The following CORIN variants were observed in gnomAD, a reference collection of about 807,000 sequenced individuals.
CORIN encodes the protein atrial natriuretic peptide-converting enzyme.
A neutral mutation model predicts 125.3 loss-of-function variants in CORIN; 117 were observed. The observed-to-expected ratio is 0.93, with a 90% confidence interval of 0.80 to 1.09. The LOEUF is 1.09. Ranked by LOEUF, CORIN falls within the 50% of genes least tolerant of loss-of-function variation. CORIN has a pLI of 0.00. For synonymous variants in CORIN, 450 were observed against 466.4 expected, an observed-to-expected ratio of 0.96 and a Z score of 0.45; for missense variants, 1,253 against 1,306.7, an observed-to-expected ratio of 0.96 and a Z score of 0.63.
intron 5 of CORIN, among the ~76,000 whole-genome samples, chr4:47,707,409 C>A (rs977347335): frequency 2.0e-5 from 3 of 152,166 alleles, no homozygotes; most frequent in Non-Finnish European, 4.4e-5. Flanking sequence ...TCGAAGGAAT[C>A]CTGGGAGGTC....
At chr4:47,679,293 T>C (rs1371836706) in intron 8 of CORIN, among the ~76,000 whole-genome samples, 1 of 152,162 alleles carries the variant, frequency 6.6e-6, no homozygotes, top group African/African-American at 2.4e-5. Flanking sequence ...GTTTGAAGTA[T>C]AACAACTGTC....
chr4:47,672,987 G>A lies in CORIN; in HGVS notation c.1357+1406C>T, dbSNP rs534605566. ...AGTGACCCAGAAAAATTAGGACCGC[G>A]AAACTGCAGCAAATGCAAGGCCGAA... On this transcript the variant is annotated intron_variant, in intron 10 of 21. Transcript: ENST00000273857. Among the ~76,000 whole-genome samples the A allele has an allele frequency of 4.0e-3, 608 of 152,014 alleles. 1 individual carries two copies. Among genetic ancestry groups the A allele is most frequent in the Non-Finnish European group, 7.6e-3 (517 of 67,960 alleles).
chr4:47,815,769 A>T (rs1732239289), intron 1 of CORIN, among the ~76,000 whole-genome samples: 1 of 152,154 alleles, frequency 6.6e-6, no homozygotes, highest in Non-Finnish European at 1.5e-5. Context: ...TGGGTTATCC[A>T]TTTCTTGGGA....
chr4:47,674,318 G>A (rs1279310113), intron 10 of CORIN, 75 bp downstream of exon 10: 3 of 1,027,334 alleles, frequency 2.9e-6, no homozygotes, highest in African/African-American at 3.2e-5. Context: ...TTCAGTATTT[G>A]AATGTCAATG....
At chr4:47,736,312 T>C (rs1363859778) in intron 5 of CORIN, among the ~76,000 whole-genome samples, 1 of 152,196 alleles carries the variant, frequency 6.6e-6, no homozygotes, top group Non-Finnish European at 1.5e-5. Context: ...CTTCCATTTC[T>C]GGCCATGAGG....
chr4:47,669,480 T>C (rs977827095), intron 10 of CORIN, among the ~76,000 whole-genome samples: 39 of 151,948 alleles, frequency 2.6e-4, no homozygotes, highest in African/African-American at 8.9e-4. Flanking sequence ...GTCAAGAAAC[T>C]GAACTCAGGC....
intron 3 of CORIN, among the ~76,000 whole-genome samples, chr4:47,778,704 T>A (rs1173838083): frequency 1.3e-5 from 2 of 152,216 alleles, no homozygotes; most frequent in Non-Finnish European, 2.9e-5. Context: ...TGTCTGAATC[T>A]CATAATTGTT....
intron 5 of CORIN, among the ~76,000 whole-genome samples, chr4:47,726,729 T>C (rs1245572795): frequency 1.3e-5 from 2 of 152,082 alleles, no homozygotes. Context: ...TCAGCCTATT[T>C]CTTTCAGAAA....
At chr4:47,752,684 C>T (rs1217765958) in intron 4 of CORIN, among the ~76,000 whole-genome samples, 1 of 152,130 alleles carries the variant, frequency 6.6e-6, no homozygotes, top group African/African-American at 2.4e-5. Flanking sequence ...AATACAGAAA[C>T]TTAGAAAATA....
chr4:47,624,193 T>A (rs138483685), intron 17 of CORIN, among the ~76,000 whole-genome samples: 2 of 152,340 alleles, frequency 1.3e-5, no homozygotes, highest in African/African-American at 4.8e-5. Flanking sequence ...ACTTCTTTTT[T>A]TAGTTTATTT....
intron 3 of CORIN, among the ~76,000 whole-genome samples, chr4:47,770,423 T>A (rs528117921): frequency 6.6e-6 from 1 of 152,280 alleles, no homozygotes; most frequent in Admixed American, 6.5e-5. Flanking sequence ...ACACTGTTGA[T>A]AGGGTTGTAA....
chr4:47,812,823 A>G (rs1252533151), intron 1 of CORIN, among the ~76,000 whole-genome samples: 1 of 152,244 alleles, frequency 6.6e-6, no homozygotes, highest in Non-Finnish European at 1.5e-5. Context: ...CTTACTGAAT[A>G]AATGAATTAA....
chr4:47,777,486 C>T (rs189085425), intron 3 of CORIN, among the ~76,000 whole-genome samples: 9 of 152,192 alleles, frequency 5.9e-5, no homozygotes, highest in Admixed American at 5.2e-4. Context: ...CAAAAATTAG[C>T]TAAGCGTGGT....
chr4:47,632,487 A>G (rs2109582079), intron 16 of CORIN: 1 of 152,280 alleles, frequency 6.6e-6, no homozygotes, highest in South Asian at 2.1e-4. Flanking sequence ...AATAACTGAA[A>G]GTTATTGTGT....
intron 20 of CORIN, among the ~76,000 whole-genome samples, chr4:47,602,719 T>C (rs1292924082): frequency 6.6e-6 from 1 of 152,146 alleles, no homozygotes; most frequent in East Asian, 1.9e-4. Context: ...ATTTTTGAGA[T>C]TGCATCTGAG....
chr4:47,828,929 C>A (rs1168474463), intron 1 of CORIN, among the ~76,000 whole-genome samples: 1 of 151,824 alleles, frequency 6.6e-6, no homozygotes, highest in Admixed American at 6.6e-5. Context: ...GAGGCCGAGG[C>A]GGACGGATCA....
At chr4:47,833,951 A>T (rs1005325146) in intron 1 of CORIN, among the ~76,000 whole-genome samples, 1 of 152,198 alleles carries the variant, frequency 6.6e-6, no homozygotes, top group African/African-American at 2.4e-5. Context: ...GGTTCATGGG[A>T]ATGTAAATTG....
At chr4:47,659,510 G>T (rs1724149772) in intron 12 of CORIN, among the ~76,000 whole-genome samples, 1 of 152,172 alleles carries the variant, frequency 6.6e-6, no homozygotes, top group African/African-American at 2.4e-5. Flanking sequence ...GAAGCTTACA[G>T]TCACAGTGAA....
At chr4:47,721,025 T>C (rs4695270) in intron 5 of CORIN, among the ~76,000 whole-genome samples, 152,268 of 152,274 alleles carry the variant, frequency 1, 76,131 homozygotes, top group Non-Finnish European at 1. Context: ...CTACCACAGA[T>C]GGGGTGGCTT....
Sources: allele counts gnomAD v4.1 joint callset (sites outside exome capture counted in the v4.1 genomes callset), GRCh38; gene constraint gnomAD v4.1.1; transcripts MANE v1.5; gene names NCBI Gene and HGNC (gene_info 2026-07-23, HGNC 2026-07-21).